Variants in ERICH1 observed in about 807,000 individuals in gnomAD.
ERICH1 encodes glutamate-rich protein 1.
ERICH1 carries 56 observed loss-of-function variants against 39.6 expected under a neutral mutation model. The observed-to-expected ratio is 1.41, with a 90% CI of 1.14 to 1.77. The LOEUF (loss-of-function observed/expected upper bound fraction) is 1.77, where lower values mean the gene tolerates loss of function less well. ERICH1 is among the 40% of genes most tolerant of loss of function. The probability of loss-of-function intolerance (pLI) is 0.00; values close to 1 mark genes in which losing one functional copy is unlikely to be tolerated. For synonymous variants in ERICH1, 313 were observed against 223.6 expected (o/e 1.40, Z -3.57); for missense variants, 826 against 575.4 (o/e 1.44, Z -4.45).
chr8:721,656 C>A (rs568675822), intron 1 of ERICH1, among the ~76,000 whole-genome samples: 165 of 152,362 alleles, frequency 1.1e-3, no homozygotes, highest in Non-Finnish European at 2.2e-3. Flanking sequence ...ACCCCACGGA[C>A]TGCTGGTGGT....
chr8:651,531 G>A (rs1281737389), intron 3 of ERICH1, among the ~76,000 whole-genome samples: 1 of 152,158 alleles, frequency 6.6e-6, no homozygotes, highest in African/African-American at 2.4e-5. Flanking sequence ...GGCTCCCACT[G>A]CCCAAAGAAG....
chr8:670,157 TC>T (rs34761210), intron 4 of ERICH1, among the ~76,000 whole-genome samples: 1 of 152,236 alleles, frequency 6.6e-6, no homozygotes, highest in African/African-American at 2.4e-5. Flanking sequence ...ATTTGCTGTT[TC>T]CCTGTCTTTT....
intron 3 of ERICH1, among the ~76,000 whole-genome samples, chr8:691,770 A>G (rs541594115): frequency 2.0e-5 from 3 of 152,332 alleles, no homozygotes; most frequent in African/African-American, 4.8e-5. Flanking sequence ...TTGATATTCA[A>G]ATTAATTAAT....
At chr8:721,749 A>T (rs992137015) in intron 1 of ERICH1, among the ~76,000 whole-genome samples, 1 of 152,220 alleles carries the variant, frequency 6.6e-6, no homozygotes, top group African/African-American at 2.4e-5. Context: ...TACCAAAAGC[A>T]GAACATAAAC....
In ERICH1 at chr8:700,905, T is replaced by G. The variant is rs115019039; in HGVS notation, c.170-8293A>C. The stretch of plus-strand genomic sequence containing the variant: ...CAGATAAAACACAGCAAACCTACCT[T>G]CAATGCACAGCCCAGCTCTCAAGAC... On this transcript the variant is annotated intron_variant, in intron 2 of 5. Coordinates refer to ENST00000262109, the MANE Select transcript of ERICH1 (RefSeq NM_207332.3). Among the ~76,000 whole-genome samples the G allele has an allele frequency of 1.9e-3, 286 of 152,318 alleles. 4 individuals carry two copies. The highest frequency in any genetic ancestry group is 6.7e-3 in the African/African-American group (277 of 41,562).
chr8:615,778 A>G (rs560313940), intron 3 of ERICH1: 3 of 152,958 alleles, frequency 2.0e-5, no homozygotes, highest in African/African-American at 7.2e-5. Flanking sequence ...GCTAAGAGCT[A>G]TGTGGTAAAA....
At chr8:656,670 G>C in intron 3 of ERICH1, 1 of 892,594 alleles carries the variant, frequency 1.1e-6, no homozygotes, top group Non-Finnish European at 1.3e-6. Context: ...GGGCTTACTT[G>C]CCTCTGGGAA....
intron 1 of ERICH1, among the ~76,000 whole-genome samples, chr8:727,336 G>A (rs1819004797): frequency 6.6e-6 from 1 of 152,220 alleles, no homozygotes; most frequent in Non-Finnish European, 1.5e-5. Context: ...TGGCACCAGT[G>A]CCAGCACCGT....
chr8:692,944 C>T (rs1809251445), intron 2 of ERICH1, among the ~76,000 whole-genome samples: 1 of 152,074 alleles, frequency 6.6e-6, no homozygotes, highest in African/African-American at 2.4e-5. Context: ...AAAATATAAA[C>T]AGTTTGCACG....
At chr8:671,110 T>G (rs76371653) in intron 4 of ERICH1, among the ~76,000 whole-genome samples, 16 of 129,780 alleles carry the variant, frequency 1.2e-4, no homozygotes, top group African/African-American at 2.1e-4. Context: ...TGCTCACTGG[T>G]CCCCAGGCTC....
chr8:668,820 T>A, intron 4 of ERICH1, 28 bp from the exon 5 acceptor site: 1 of 1,558,544 alleles, frequency 6.4e-7, no homozygotes, highest in East Asian at 2.3e-5. Flanking sequence ...TGCTTGGAAA[T>A]ACAGTTTTGT....
intron 1 of ERICH1, among the ~76,000 whole-genome samples, chr8:729,018 A>G (rs577304669): frequency 7.2e-5 from 11 of 152,194 alleles, no homozygotes; most frequent in African/African-American, 2.6e-4. Flanking sequence ...AGGGGAGAGT[A>G]TGGGCCCCTG....
chr8:683,347 TG>T (rs1454244622), intron 3 of ERICH1, among the ~76,000 whole-genome samples: 2 of 152,170 alleles, frequency 1.3e-5, no homozygotes, highest in Non-Finnish European at 2.9e-5. Flanking sequence ...ACATGGCTCC[TG>T]GGACAGAGAC....
At chr8:689,126 T>TC (rs554924847) in intron 3 of ERICH1, among the ~76,000 whole-genome samples, 1 of 152,074 alleles carries the variant, frequency 6.6e-6, no homozygotes, top group South Asian at 2.1e-4. Context: ...TTTTTTCTTT[T>TC]TTTGAGGCGA....
intron 3 of ERICH1, among the ~76,000 whole-genome samples, chr8:657,566 C>T (rs62486240): frequency 0.29 from 43,930 of 148,936 alleles, 7,756 homozygotes; most frequent in Non-Finnish European, 0.41. Context: ...TCCAGACTGG[C>T]GCCATTGTCT....
At position 673,738 on chromosome 8, in the gene ERICH1, G is replaced by T; in HGVS notation, c.614C>A (p.Ala205Asp). The T allele has an allele frequency of 6.2e-7, 1 of 1,614,130 alleles. No individual in the cohort carries two copies. Among genetic ancestry groups the T allele is most frequent in the South Asian group, 1.1e-5 (1 of 91,090 alleles). The change falls in exon 4 of 6, where the codon GCT becomes GAT. Residue 205 changes from alanine to aspartate, a missense_variant. Physicochemically the swap from Ala to Asp is moderately radical, Grantham distance 126 (BLOSUM62 -2). Coordinates refer to ENST00000262109, the MANE Select transcript of ERICH1 (RefSeq NM_207332.3). ...SSNEGEGVGE[A>D]CEEDGVDTSE... ...GGTGTCCACACCATCCTCCTCACAA[G>T]CCTCTCCCACGCCTTCCCCTTCATT...
At chr8:665,147 C>T (rs528423753) in intron 5 of ERICH1, among the ~76,000 whole-genome samples, 62 of 152,296 alleles carry the variant, frequency 4.1e-4, no homozygotes, top group Middle Eastern at 3.4e-3. Context: ...GTGGCAGCGC[C>T]GGCCAAAGGC....
intron 3 of ERICH1, among the ~76,000 whole-genome samples, chr8:678,252 G>C (rs1451480985): frequency 6.6e-6 from 1 of 152,092 alleles, no homozygotes; most frequent in African/African-American, 2.4e-5. Flanking sequence ...CAATTTCTCT[G>C]ATTTCCAAGT....
At chr8:618,534 T>C (rs1797079815) in intron 3 of ERICH1, among the ~76,000 whole-genome samples, 1 of 152,224 alleles carries the variant, frequency 6.6e-6, no homozygotes, top group Non-Finnish European at 1.5e-5. Flanking sequence ...ACATGCTAAC[T>C]GAGTGAGTGA....
Sources: gnomAD v4.1 joint callset for allele counts (sites outside exome capture counted in the v4.1 genomes callset) on GRCh38, gnomAD v4.1.1 for gene constraint, MANE v1.5 for transcripts, NCBI Gene and HGNC (gene_info 2026-07-23, HGNC 2026-07-21) for gene names.